The following HERC1 variants were observed in gnomAD, a reference collection of about 807,000 sequenced individuals.
HERC1 encodes the protein probable E3 ubiquitin-protein ligase HERC1.
A neutral mutation model predicts 554.3 loss-of-function variants in HERC1; 160 were observed. The ratio of observed to expected loss-of-function variants is 0.29; its 90% confidence interval spans 0.25 to 0.33. The LOEUF is 0.33. HERC1 is among the 10% of genes least tolerant of loss of function. The pLI is 1.00. For missense variants in HERC1, 4,919 were observed against 5,918.5 expected, an observed-to-expected ratio of 0.83 and a Z score of 5.54; for synonymous variants, 2,175 against 2,131.7, an observed-to-expected ratio of 1.02 and a Z score of -0.56.
chr15:63,648,089 C>A lies in HERC1; in HGVS notation c.10858G>T (p.Val3620Phe). 4 of 1,560,070 alleles carry A rather than the reference C, an allele frequency of 2.6e-6. No homozygotes were observed. Among genetic ancestry groups the A allele is most frequent in the Non-Finnish European group, 3.5e-6 (4 of 1,150,574 alleles). The part of the protein sequence containing the change: ...TKEPLEKGGI[V>F]LIDAHKDTLI... ...TTTACCTTATGTGCATCAATTAGAA[C>A]AATGCCTCCTTTCTCAAGTGGTTCC... Residue 3620 changes from valine to phenylalanine, a missense_variant, in exon 55 of 78, where the codon GTT becomes TTT. Physicochemically the swap from Val to Phe is conservative, Grantham distance 50. Transcript: ENST00000443617.
chr15:63,771,169 G>T (rs2075943386), intron 2 of HERC1, among the ~76,000 whole-genome samples: 1 of 151,436 alleles, frequency 6.6e-6, no homozygotes, highest in Non-Finnish European at 1.5e-5. Context: ...AGCCTGGGTG[G>T]CAGAGCAAAA....
chr15:63,698,617 G>A, intron 26 of HERC1, 111 bp downstream of exon 26: 1 of 1,059,986 alleles, frequency 9.4e-7, no homozygotes, highest in Non-Finnish European at 1.3e-6. Context: ...GTACAGGAAA[G>A]GGGAAGGCAA....
chr15:63,628,645 C>T (rs769823978), intron 70 of HERC1, 32 bp downstream of exon 70: 45 of 1,577,578 alleles, frequency 2.9e-5, no homozygotes, highest in Middle Eastern at 1.8e-4. Context: ...AAAAAAGAAA[C>T]GCTGCAGGAG....
intron 12 of HERC1, among the ~76,000 whole-genome samples, chr15:63,745,951 T>G (rs2075038648): frequency 6.6e-6 from 1 of 152,194 alleles, no homozygotes; most frequent in African/African-American, 2.4e-5. Flanking sequence ...GCCAGAGGTT[T>G]GTTGATTTTG....
intron 1 of HERC1, among the ~76,000 whole-genome samples, chr15:63,830,185 G>A (rs552717866): frequency 8.5e-5 from 13 of 152,264 alleles, no homozygotes; most frequent in African/African-American, 2.9e-4. Context: ...ACAATAAAGG[G>A]AAGAATAGTA....
chr15:63,633,686 A>G (rs2068662760), intron 67 of HERC1, among the ~76,000 whole-genome samples, 162 bp downstream of exon 67: 3 of 152,238 alleles, frequency 2.0e-5, no homozygotes, highest in Admixed American at 2.0e-4. Flanking sequence ...TAAAATCAAG[A>G]CCTAGCATGT....
chr15:63,686,575 C>A, intron 33 of HERC1, 40 bp from the exon 34 acceptor site: 2 of 1,561,518 alleles, frequency 1.3e-6, no homozygotes, highest in South Asian at 2.3e-5. Context: ...TGGAATAATC[C>A]ATGTCTCAGA....
Position 63,734,529 on chromosome 15 carries a change from C to A in HERC1, c.2646+195G>T. On this transcript the variant is annotated intron_variant, in intron 13 of 77. Transcript: ENST00000443617. This position sits in a 1 kb window ranked among gnomAD's most constrained non-coding sequence, Gnocchi z 4.6. ...AATTAGTCCTTATTTTAATAATTAGCCCCAAATAACTTAATAAATTATCAC... is the reference window on the plus strand; with the variant it reads ...AATTAGTCCTTATTTTAATAATTAGACCCAAATAACTTAATAAATTATCAC... The A allele has an allele frequency of 7.8e-6, 3 of 386,008 alleles. No individual in the cohort carries two copies. The highest frequency in any genetic ancestry group is 4.6e-6 in the Non-Finnish European group (1 of 217,712). The allele number at this position is 386,008 out of a possible 1,614,324, so 23.9% of individuals were successfully genotyped here.
intron 44 of HERC1, among the ~76,000 whole-genome samples, chr15:63,662,341 GAACTAATTTTC>G: frequency 6.6e-6 from 1 of 151,784 alleles, no homozygotes; most frequent in East Asian, 1.9e-4. Context: ...CTAGTGAAAA[GAACTAATTTTC>G]ATCTGGTCAC....
In HERC1 at chr15:63,678,218, T is replaced by C; in HGVS notation, c.6697A>G (p.Ile2233Val). The C allele has an allele frequency of 6.2e-7, 1 of 1,613,972 alleles. No individual in the cohort carries two copies. The highest frequency in any genetic ancestry group is 8.5e-7 in the Non-Finnish European group (1 of 1,179,868). ...AGCCTTTCCATCATTTTTTTGTTAA[T>C]GCAGTAAGTCCAACGGTCTGTTCGG... ...LHRTDRWTYCINKKMMERLHK... is the reference protein window; with the variant it reads ...LHRTDRWTYCVNKKMMERLHK... Residue 2233 changes from isoleucine to valine, a missense_variant, in exon 37 of 78, where the codon ATT becomes GTT. By Grantham distance (29) the Ile-to-Val change is conservative. This residue lies in a region of HERC1 where 1,963 missense variants were observed against 2,228.6 expected (regional missense o/e 0.88). Transcript: ENST00000443617.
In HERC1 at chr15:63,674,618, CAAG is replaced by C; in HGVS notation, c.7567_7569del (p.Leu2523del). 1 of 1,613,104 alleles carries C rather than the reference CAAG, an allele frequency of 6.2e-7. No individual in the cohort carries two copies. The highest frequency in any genetic ancestry group is 8.5e-7 in the Non-Finnish European group (1 of 1,179,442). Reference sequence around the variant, plus strand: ...AACAGCTCAGCATATTTACTACAGCCAAGAAGGGCACTAAGTGACTTCATAGCA... The same window carrying C: ...AACAGCTCAGCATATTTACTACAGCCAAGGGCACTAAGTGACTTCATAGCA... On this transcript the variant is annotated inframe_deletion, in exon 38 of 78. Coordinates refer to ENST00000443617, the MANE Select transcript of HERC1 (RefSeq NM_003922.4).
chr15:63,736,899 G>A (rs1381546414), intron 12 of HERC1, among the ~76,000 whole-genome samples: 1 of 151,878 alleles, frequency 6.6e-6, no homozygotes, highest in African/African-American at 2.4e-5. Context: ...GAGCCACCAC[G>A]CCCGGCCATA....
chr15:63,644,308 G>A (rs1166710365), intron 57 of HERC1, among the ~76,000 whole-genome samples: 1 of 152,186 alleles, frequency 6.6e-6, no homozygotes, highest in Non-Finnish European at 1.5e-5. Context: ...TCAGAGATGC[G>A]ATCTGACTGG....
intron 37 of HERC1, 89 bp from the exon 38 acceptor site, chr15:63,675,206 G>A (rs2071135420): frequency 2.8e-6 from 3 of 1,076,620 alleles, no homozygotes; most frequent in African/African-American, 3.1e-5. Context: ...AAAATAAGGT[G>A]CATCATGTAC....
At chr15:63,783,640 G>T (rs2076350800) in intron 1 of HERC1, among the ~76,000 whole-genome samples, 1 of 152,122 alleles carries the variant, frequency 6.6e-6, no homozygotes, top group Non-Finnish European at 1.5e-5. Context: ...GTATCTCTAA[G>T]GTATATGCCA....
chr15:63,616,785 A>C (rs2067837365), intron 74 of HERC1, 103 bp from the exon 75 acceptor site: 9 of 1,020,842 alleles, frequency 8.8e-6, no homozygotes, highest in Non-Finnish European at 1.3e-5. Flanking sequence ...GTACTGTTCA[A>C]TATGGCATCC....
intron 71 of HERC1, among the ~76,000 whole-genome samples, chr15:63,625,119 C>T (rs1384872326): frequency 1.3e-5 from 2 of 152,132 alleles, no homozygotes; most frequent in Admixed American, 6.5e-5. Context: ...TCAAATCTCA[C>T]GCATGCACAC....
intron 32 of HERC1, among the ~76,000 whole-genome samples, chr15:63,689,989 C>A (rs2153036105): frequency 6.6e-6 from 1 of 151,876 alleles, no homozygotes; most frequent in South Asian, 2.1e-4. Flanking sequence ...CATGGTGAAA[C>A]CCCATCTCTA....
At position 63,628,668 on chromosome 15, in the gene HERC1, A is replaced by G. The variant is rs2068414669; in HGVS notation, c.13105+9T>C. On this transcript the variant is annotated intron_variant, in intron 70 of 77. Coordinates refer to ENST00000443617, the MANE Select transcript of HERC1 (RefSeq NM_003922.4). The stretch of plus-strand genomic sequence containing the variant: ...AACGCTGCAGGAGCATGAATATTTC[A>G]TTCCTCACCTGGTGCTCTTGGTGGG... 6.2e-7 allele frequency: 1 copy of G among 1,603,836 alleles called. No homozygotes were observed. The highest frequency in any genetic ancestry group is 8.5e-7 in the Non-Finnish European group (1 of 1,176,168).
Sources: allele counts gnomAD v4.1 joint callset (sites outside exome capture counted in the v4.1 genomes callset), GRCh38; gene constraint gnomAD v4.1.1; regional missense constraint gnomAD v4.1.1; non-coding constraint Gnocchi (gnomAD v3.1); transcripts MANE v1.5; gene names NCBI Gene and HGNC (gene_info 2026-07-23, HGNC 2026-07-21).